The following CTNNA2 variants were observed in gnomAD, a reference collection of about 807,000 sequenced individuals.
CTNNA2 encodes the protein catenin alpha 2.
Under a neutral mutation model 101.0 loss-of-function variants are expected in CTNNA2, and 42 were observed. That is an observed-to-expected ratio of 0.42 (90% CI 0.32 to 0.54). The LOEUF is 0.54. Among genes scored for constraint, CTNNA2 ranks in the 20% least tolerant of loss-of-function variants. CTNNA2 has a pLI of 0.14. For synonymous variants in CTNNA2, 450 were observed against 456.4 expected, an observed-to-expected ratio of 0.99 and a Z score of 0.18; for missense variants, 871 against 1,223.1, an observed-to-expected ratio of 0.71 and a Z score of 4.29.
At chr2:79,408,233 C>A (rs1167729689) in intron 4 of CTNNA2, among the ~76,000 whole-genome samples, 1 of 151,748 alleles carries the variant, frequency 6.6e-6, no homozygotes, top group Non-Finnish European at 1.5e-5. Context: ...GAGCCTGGAC[C>A]TTTGACATGT....
At chr2:79,599,451 C>A (rs1311420182) in intron 1 of CTNNA2, among the ~76,000 whole-genome samples, 1 of 151,988 alleles carries the variant, frequency 6.6e-6, no homozygotes, top group Non-Finnish European at 1.5e-5. Context: ...ATACATAATG[C>A]ACAGAACTAA....
chr2:80,605,816 A>G (rs767550443), intron 16 of CTNNA2: 6 of 151,924 alleles, frequency 3.9e-5, no homozygotes, highest in Non-Finnish European at 8.8e-5. Flanking sequence ...ACTTTTGGAG[A>G]AATGCTTATT....
At chr2:79,341,313 G>A (rs933836302) in intron 3 of CTNNA2, among the ~76,000 whole-genome samples, 2 of 152,134 alleles carry the variant, frequency 1.3e-5, no homozygotes, top group African/African-American at 4.8e-5. Flanking sequence ...TCAGAATAAT[G>A]AATTAGTGGA....
At chr2:80,360,099 A>G (rs1674252699) in intron 7 of CTNNA2, among the ~76,000 whole-genome samples, 2 of 152,058 alleles carry the variant, frequency 1.3e-5, no homozygotes, top group South Asian at 4.1e-4. Flanking sequence ...GGTCTTAAAC[A>G]CCTCTCATTA....
chr2:79,268,301 G>A (rs191574152), intron 2 of CTNNA2, among the ~76,000 whole-genome samples: 11 of 152,192 alleles, frequency 7.2e-5, no homozygotes, highest in South Asian at 2.1e-4. Flanking sequence ...AATCTGTGGC[G>A]ATGGCTAAGA....
chr2:79,652,405 C>G (rs1047558414), intron 2 of CTNNA2, among the ~76,000 whole-genome samples: 3 of 152,028 alleles, frequency 2.0e-5, no homozygotes, highest in Non-Finnish European at 4.4e-5. Context: ...TCTGGAAGCT[C>G]TAGAAGAAAA....
chr2:80,518,062 A>G (rs750911544), intron 9 of CTNNA2, among the ~76,000 whole-genome samples: 4 of 152,230 alleles, frequency 2.6e-5, no homozygotes, highest in Non-Finnish European at 4.4e-5. Flanking sequence ...TAGACTGCAG[A>G]TAGCTGGAAA....
At position 80,287,757 on chromosome 2, in the gene CTNNA2, A is replaced by G. The variant is rs114927598; in HGVS notation, c.1057-105454A>G. ...TGAAGTCTATTTTATTCCAAAGTCC[A>G]GTCATTTTTCATTCCCTAGAGCCCT... is the stretch of plus-strand genomic sequence containing the variant. On this transcript the variant is annotated intron_variant, in intron 7 of 18. Coordinates refer to ENST00000402739, the MANE Select transcript of CTNNA2 (RefSeq NM_001282597.3). 5.3e-3 allele frequency among the ~76,000 whole-genome samples: 813 copies of G among 152,256 alleles called. 12 individuals are homozygous for G. The highest frequency in any genetic ancestry group is 0.018 in the African/African-American group (741 of 41,546).
chr2:80,603,971 C>A, intron 15 of CTNNA2, 103 bp from the exon 16 acceptor site: 1 of 914,776 alleles, frequency 1.1e-6, no homozygotes, highest in Non-Finnish European at 1.7e-6. Context: ...GTGGCCAGTG[C>A]CAAATAAAAT....
rs151114536 is a variant in CTNNA2 at position 80,192,651 on chromosome 2, C to T, written c.1057-200560C>T. ...AAGCGATTCTCCTGCCTCAGCCTCC[C>T]GAGTAGCTAGGGTTACGGCACTAGC... On this transcript the variant is annotated intron_variant, in intron 7 of 18. Coordinates refer to ENST00000402739, the MANE Select transcript of CTNNA2 (RefSeq NM_001282597.3). 1.0e-3 allele frequency among the ~76,000 whole-genome samples: 154 copies of T among 152,212 alleles called. 1 individual carries two copies. Among genetic ancestry groups the T allele is most frequent in the Middle Eastern group, 3.4e-3 (1 of 292 alleles).
chr2:80,110,054 G>A (rs1015075277), intron 7 of CTNNA2, among the ~76,000 whole-genome samples: 1 of 152,152 alleles, frequency 6.6e-6, no homozygotes, highest in Admixed American at 6.5e-5. Context: ...AATTTGTATA[G>A]TTATCACTAC....
chr2:80,282,516 T>C (rs1674460333), intron 7 of CTNNA2, among the ~76,000 whole-genome samples: 1 of 152,044 alleles, frequency 6.6e-6, no homozygotes, highest in Non-Finnish European at 1.5e-5. Context: ...TACAATCAGC[T>C]CTCCTATAGG....
At chr2:80,220,018 A>G (rs1708488967) in intron 7 of CTNNA2, among the ~76,000 whole-genome samples, 1 of 152,148 alleles carries the variant, frequency 6.6e-6, no homozygotes, top group Non-Finnish European at 1.5e-5. Context: ...CAACAAACCA[A>G]CAAACAAAAA....
chr2:79,850,098 G>A (rs535693754), intron 3 of CTNNA2, among the ~76,000 whole-genome samples: 1 of 152,144 alleles, frequency 6.6e-6, no homozygotes, highest in East Asian at 1.9e-4. Flanking sequence ...AGGAGTGGTG[G>A]AGGCTGGGAA....
intron 4 of CTNNA2, among the ~76,000 whole-genome samples, chr2:79,489,788 C>G (rs949501488): frequency 6.6e-6 from 1 of 152,132 alleles, no homozygotes; most frequent in Non-Finnish European, 1.5e-5. Context: ...TTCTCAATAA[C>G]TAGGCAAAAT....
At chr2:79,490,376 GTC>G (rs1333733774) in intron 4 of CTNNA2, among the ~76,000 whole-genome samples, 3 of 152,084 alleles carry the variant, frequency 2.0e-5, no homozygotes, top group African/African-American at 7.2e-5. Context: ...GTAGCCATCT[GTC>G]ATTGGATGCT....
chr2:79,602,361 A>C (rs568314809), intron 1 of CTNNA2, among the ~76,000 whole-genome samples: 43 of 152,250 alleles, frequency 2.8e-4, no homozygotes, highest in African/African-American at 7.9e-4. Context: ...TAAAAAAAAA[A>C]CTCTAAAACA....
intron 1 of CTNNA2, among the ~76,000 whole-genome samples, chr2:79,647,533 T>G (rs1230094325): frequency 1.3e-5 from 2 of 152,112 alleles, no homozygotes; most frequent in African/African-American, 2.4e-5. Flanking sequence ...TATACGTTCC[T>G]TATTTGTTTA....
chr2:79,786,002 A>G (rs1231703107), intron 3 of CTNNA2, among the ~76,000 whole-genome samples: 3 of 152,204 alleles, frequency 2.0e-5, no homozygotes, highest in South Asian at 2.1e-4. Context: ...GGAGGTGGGC[A>G]GGAGAGAAGA....
Sources: gnomAD v4.1 joint callset for allele counts (sites outside exome capture counted in the v4.1 genomes callset) on GRCh38, gnomAD v4.1.1 for gene constraint, MANE v1.5 for transcripts, NCBI Gene and HGNC (gene_info 2026-07-23, HGNC 2026-07-21) for gene names.